CPD: variants seen among roughly 807,000 people sequenced by gnomAD.
CPD encodes the protein carboxypeptidase D, also known as metallocarboxypeptidase D.
Under a neutral mutation model 138.3 loss-of-function variants are expected in CPD, and 69 were observed. The ratio of observed to expected loss-of-function variants is 0.50; its 90% CI spans 0.41 to 0.61. CPD has a LOEUF of 0.61. CPD is among the 20% of genes least tolerant of loss of function. The probability of loss-of-function intolerance (pLI) is 0.00; values close to 1 mark genes in which losing one functional copy is unlikely to be tolerated. For synonymous variants in CPD, 651 were observed against 642.1 expected (o/e 1.01, Z -0.21); for missense variants, 1,432 against 1,733.3 (o/e 0.83, Z 3.09).
chr17:30,399,608 A>G (rs541123991), intron 2 of CPD, among the ~76,000 whole-genome samples: 1 of 152,078 alleles, frequency 6.6e-6, no homozygotes, highest in East Asian at 1.9e-4. Context: ...ATTTTACCTG[A>G]TAGTCATATA....
At chr17:30,433,174 G>A (rs1424127761) in intron 8 of CPD, among the ~76,000 whole-genome samples, 1 of 152,112 alleles carries the variant, frequency 6.6e-6, no homozygotes, top group African/African-American at 2.4e-5. Flanking sequence ...TCTACTAGAG[G>A]AGTACAGCTG....
At chr17:30,398,406 G>T (rs1374330392) in intron 2 of CPD, among the ~76,000 whole-genome samples, 2 of 152,038 alleles carry the variant, frequency 1.3e-5, no homozygotes, top group African/African-American at 4.8e-5. Flanking sequence ...ATTTTCTTTG[G>T]CTGAATAAAG....
intron 2 of CPD, among the ~76,000 whole-genome samples, chr17:30,389,097 C>G (rs904329176): frequency 5.9e-5 from 9 of 152,196 alleles, no homozygotes; most frequent in Non-Finnish European, 1.2e-4. Context: ...ATTACTCCCC[C>G]GCTGTGCTGC....
chr17:30,380,581 TAGA>T (rs1185224127), intron 1 of CPD: 5 of 1,500,872 alleles, frequency 3.3e-6, no homozygotes, highest in South Asian at 1.3e-5. Context: ...AATTACAAAG[TAGA>T]AGAAGGAGGA....
chr17:30,433,603 C>T lies in CPD; in HGVS notation c.2127+1722C>T, dbSNP rs16965775. Among the ~76,000 whole-genome samples the T allele has an allele frequency of 2.5e-3, 375 of 152,266 alleles. 1 individual carries two copies. Among genetic ancestry groups the T allele is most frequent in the African/African-American group, 8.6e-3 (356 of 41,548 alleles). ...ACAGCCTAGAGTGGTCACACTGTCA[C>T]GGCAATTTGCTATAGTCCATATGTG... On this transcript the variant is annotated intron_variant, in intron 8 of 20. Transcript: ENST00000225719.
At chr17:30,427,787 A>T (rs1187860386) in intron 7 of CPD, among the ~76,000 whole-genome samples, 2 of 129,746 alleles carry the variant, frequency 1.5e-5, no homozygotes, top group Admixed American at 8.1e-5. Context: ...TTCTCCTTTT[A>T]CCCCCATCTC....
At chr17:30,382,536 T>G (rs1911075851) in intron 1 of CPD, among the ~76,000 whole-genome samples, 1 of 152,216 alleles carries the variant, frequency 6.6e-6, no homozygotes, top group Non-Finnish European at 1.5e-5. Context: ...TCTTGAAATC[T>G]TCATTGTAAG....
chr17:30,442,514 G>T (rs995156045), intron 10 of CPD, 64 bp downstream of exon 10: 2 of 1,523,910 alleles, frequency 1.3e-6, no homozygotes, highest in African/African-American at 2.7e-5. Context: ...GTGCGTACAC[G>T]TGGTTTTTGT....
intron 17 of CPD, 65 bp downstream of exon 17, chr17:30,456,591 C>T: frequency 6.5e-7 from 1 of 1,534,764 alleles, no homozygotes; most frequent in Non-Finnish European, 9.0e-7. Flanking sequence ...TGTGTAAACC[C>T]AGTGCTTTGG....
At chr17:30,398,825 T>A (rs1476826072) in intron 2 of CPD, among the ~76,000 whole-genome samples, 1 of 150,790 alleles carries the variant, frequency 6.6e-6, no homozygotes, top group Non-Finnish European at 1.5e-5. Flanking sequence ...AAAAATAAAT[T>A]TAAAAATAAT....
At chr17:30,461,373 T>C in intron 18 of CPD, 62 bp downstream of exon 18, 1 of 1,305,610 alleles carries the variant, frequency 7.7e-7, no homozygotes, top group South Asian at 2.1e-5. Context: ...AAAACCTTTA[T>C]CAAAACATTG....
chr17:30,397,920 G>A (rs8064302), intron 2 of CPD, among the ~76,000 whole-genome samples: 134,679 of 150,920 alleles, frequency 0.89, 60,339 homozygotes, highest in African/African-American at 0.97. Context: ...TTCACACAGT[G>A]TAATTCCAGC....
intron 2 of CPD, among the ~76,000 whole-genome samples, chr17:30,394,729 G>T (rs748733009): frequency 6.6e-6 from 1 of 152,192 alleles, no homozygotes; most frequent in Non-Finnish European, 1.5e-5. Context: ...AAGAAGTTAT[G>T]CAAGAAGAAC....
At chr17:30,404,470 C>T (rs1222906127) in intron 2 of CPD, among the ~76,000 whole-genome samples, 1 of 152,024 alleles carries the variant, frequency 6.6e-6, no homozygotes, top group African/African-American at 2.4e-5. Context: ...TAAATGGCTG[C>T]ATAGTAGCCC....
At chr17:30,412,705 C>G (rs1160789182) in intron 2 of CPD, among the ~76,000 whole-genome samples, 1 of 152,202 alleles carries the variant, frequency 6.6e-6, no homozygotes, top group Non-Finnish European at 1.5e-5. Context: ...AGGGAATCTT[C>G]TGGTCTGCTG....
In CPD at chr17:30,461,456, C is replaced by G. The variant is rs938009673; in HGVS notation, c.3630+145C>G. The G allele has an allele frequency of 4.0e-5, 22 of 554,026 alleles. 1 individual carries two copies. The highest frequency in any genetic ancestry group is 1.9e-4 in the South Asian group (3 of 15,710). The allele number at this position is 554,026 out of a possible 1,614,324, so 34.3% of individuals were successfully genotyped here. A position where few individuals can be genotyped will look rare whatever the true frequency, so the allele number is the denominator to read the frequency against. ...AAGAGTTTTGGTCATTTTATGTTTC[C>G]TAAATAGATGCCATTTATTCACATC... On this transcript the variant is annotated intron_variant, in intron 18 of 20. Coordinates refer to ENST00000225719, the MANE Select transcript of CPD (RefSeq NM_001304.5).
intron 10 of CPD, among the ~76,000 whole-genome samples, chr17:30,442,973 C>G (rs1040950243): frequency 1.3e-5 from 2 of 151,292 alleles, no homozygotes; most frequent in African/African-American, 2.4e-5. Context: ...CTGCATTTTT[C>G]TTTTTCCTGA....
chr17:30,429,288 A>G (rs1912502631), intron 7 of CPD, among the ~76,000 whole-genome samples: 1 of 152,210 alleles, frequency 6.6e-6, no homozygotes. Context: ...ATCACACATC[A>G]TGTTGGCTAA....
In CPD at chr17:30,430,172, A is replaced by G. The variant is rs151334687; in HGVS notation, c.2018-1600A>G. Among the ~76,000 whole-genome samples, 46 of 152,304 alleles carry G rather than the reference A, an allele frequency of 3.0e-4. No individual in the cohort carries two copies. The East Asian group carries it at 7.7e-3, about 26-fold the overall frequency. ...ATTTTTTTATTGAGGTGAAGTTTAC[A>G]TAATTCCAGTGGCGTTTAGTGCATT... is the stretch of plus-strand genomic sequence containing the variant. On this transcript the variant is annotated intron_variant, in intron 7 of 20. Transcript: ENST00000225719.
Sources: gnomAD v4.1 joint callset for allele counts (sites outside exome capture counted in the v4.1 genomes callset) on GRCh38, gnomAD v4.1.1 for gene constraint, MANE v1.5 for transcripts, NCBI Gene and HGNC (gene_info 2026-07-23, HGNC 2026-07-21) for gene names.